Variants in ZNF354C observed in about 807,000 individuals in gnomAD.
ZNF354C encodes the protein zinc finger protein 354C, also known as KRAB-zinc finger protein synten.
In ZNF354C, 7 loss-of-function variants were observed where a neutral mutation model predicts 12.4. The observed-to-expected ratio is 0.56, with a 90% confidence interval of 0.32 to 1.06. The LOEUF (loss-of-function observed/expected upper bound fraction) is 1.06, where lower values mean the gene tolerates loss of function less well. Among genes scored for constraint, ZNF354C ranks in the 50% least tolerant of loss-of-function variants. The probability of loss-of-function intolerance (pLI) is 0.04; values close to 1 mark genes in which losing one functional copy is unlikely to be tolerated. For missense variants in ZNF354C, 609 were observed against 658.0 expected, an observed-to-expected ratio of 0.93 and a Z score of 0.81; for synonymous variants, 202 against 224.5, an observed-to-expected ratio of 0.90 and a Z score of 0.90.
intron 2 of ZNF354C, among the ~76,000 whole-genome samples, chr5:179,064,287 G>A (rs1019711609): frequency 1.3e-5 from 2 of 152,096 alleles, no homozygotes; most frequent in Admixed American, 1.3e-4. Flanking sequence ...TGTCGCCCAG[G>A]CTGGAGTACA....
rs1341966653 is a variant in ZNF354C at position 179,081,704 on chromosome 5, A to T, written c.*1607A>T. On this transcript the variant is annotated 3_prime_UTR_variant, in exon 5 of 5. Transcript: ENST00000315475. ...TAGTGGTGAGCATGCTTAGTACCCAAATTTTGGTTTCTAAATGCCATTCCC... is the reference window on the plus strand; with the variant it reads ...TAGTGGTGAGCATGCTTAGTACCCATATTTTGGTTTCTAAATGCCATTCCC... The T allele has an allele frequency of 1.3e-5, 2 of 152,128 alleles. No individual in the cohort carries two copies. The highest frequency in any genetic ancestry group is 1.3e-4 in the Admixed American group (2 of 15,272). The allele number at this position is 152,128 out of a possible 1,614,324, so 9.4% of individuals were successfully genotyped here. A position where few individuals can be genotyped will look rare whatever the true frequency, so the allele number is the denominator to read the frequency against.
chr5:179,077,281 C>CAGTT lies in ZNF354C; in HGVS notation c.250+116_250+119dup. 7.7e-6 allele frequency: 6 copies of CAGTT among 778,298 alleles called. No homozygotes were observed. In the South Asian group the frequency reaches 9.5e-5, roughly 12 times the overall value. The allele number at this position is 778,298 out of a possible 1,614,324, so 48.2% of individuals were successfully genotyped here. On this transcript the variant is annotated intron_variant, in intron 4 of 4. Transcript: ENST00000315475. ...CTGAGTCCTCTTGAGATGCTCAGGC[C>CAGTT]AGTTGTATTTTGTTTGAGTTGTATA...
rs1428744395 is a variant in ZNF354C, at chr5:179,061,927, C to T, written c.-54-88C>T. On this transcript the variant is annotated intron_variant, in intron 1 of 4. Coordinates refer to ENST00000315475, the MANE Select transcript of ZNF354C (RefSeq NM_014594.3). ...TTACGGGGGGTGGCTTTTTTGAGAC[C>T]TGATGGACATTATGGGCGGTTGTAA... 6 of 905,688 alleles carry T rather than the reference C, an allele frequency of 6.6e-6. No individual in the cohort carries two copies. In the African/African-American group the frequency reaches 9.9e-5, roughly 15 times the overall value. 56.1% of individuals were successfully genotyped at this position (905,688 alleles called of 1,614,324 possible). A position where few individuals can be genotyped will look rare whatever the true frequency, so the allele number is the denominator to read the frequency against.
Position 179,079,438 on chromosome 5 carries a change from G to A in ZNF354C, c.1006G>A (p.Ala336Thr). ...CTATAAATGCGGCGAATGTGAGAAG[G>A]CCTTCAACTGTAGAGCAAAACTTCA... The part of the protein sequence containing the change: ...KLYKCGECEK[A>T]FNCRAKLHRH... Residue 336 changes from alanine (A) to threonine (T), a missense_variant, in exon 5 of 5, where the codon GCC becomes ACC. By Grantham distance (58) the Ala-to-Thr change is moderately conservative. Coordinates refer to ENST00000315475, the MANE Select transcript of ZNF354C (RefSeq NM_014594.3). This position sits in a 1 kb window ranked among gnomAD's most constrained non-coding sequence, Gnocchi z 4.2. The A allele has an allele frequency of 6.2e-7, 1 of 1,613,938 alleles. No homozygotes were observed. The highest frequency in any genetic ancestry group is 8.5e-7 in the Non-Finnish European group (1 of 1,179,996).
intron 2 of ZNF354C, among the ~76,000 whole-genome samples, chr5:179,062,820 C>G (rs1357122631): frequency 6.6e-6 from 1 of 152,144 alleles, no homozygotes; most frequent in East Asian, 1.9e-4. Context: ...TTCTCTGATT[C>G]TTTTCTTTTT....
chr5:179,083,234 G>A lies in ZNF354C; in HGVS notation c.*3137G>A, dbSNP rs1561754088. On this transcript the variant is annotated 3_prime_UTR_variant, in exon 5 of 5. Coordinates refer to ENST00000315475, the MANE Select transcript of ZNF354C (RefSeq NM_014594.3). ...AAAACCTATAAGAGACATTTGGGGG[G>A]ATATTTGGGGAAATAGGAAGATGGA... is the stretch of plus-strand genomic sequence containing the variant. The A allele has an allele frequency of 7.6e-6, 2 of 261,984 alleles. No individual in the cohort carries two copies. The allele number at this position is 261,984 out of a possible 1,614,324, so 16.2% of individuals were successfully genotyped here.
rs775851154 is a variant in ZNF354C, at chr5:179,079,835, A to G, written c.1403A>G (p.Tyr468Cys). 2 of 1,614,146 alleles carry G rather than the reference A, an allele frequency of 1.2e-6. No individual in the cohort carries two copies. Among genetic ancestry groups the G allele is most frequent in the South Asian group, 2.2e-5 (2 of 91,072 alleles). The change falls in exon 5 of 5, where the codon TAT (tyrosine) becomes TGT (cysteine). Residue 468 changes from tyrosine (Y) to cysteine (C), a missense_variant. Coordinates refer to ENST00000315475, the MANE Select transcript of ZNF354C (RefSeq NM_014594.3). This position sits in a 1 kb window ranked among gnomAD's most constrained non-coding sequence, Gnocchi z 4.2. The part of the protein sequence containing the change: ...HQRIHTGEKP[Y>C]QCNQCGKAFS... ...AGAATTCATACTGGAGAGAAACCGTATCAGTGTAATCAGTGTGGAAAGGCC... is the reference window on the plus strand; with the variant it reads ...AGAATTCATACTGGAGAGAAACCGTGTCAGTGTAATCAGTGTGGAAAGGCC...
chr5:179,071,843 G>A (rs1762057113), intron 2 of ZNF354C, among the ~76,000 whole-genome samples: 1 of 152,130 alleles, frequency 6.6e-6, no homozygotes, highest in South Asian at 2.1e-4. Context: ...TACATGCACA[G>A]GACAGACTCA....
rs1253245646 is a variant in ZNF354C, at chr5:179,061,591, G to C, written c.-54-424G>C. On this transcript the variant is annotated intron_variant, in intron 1 of 4. Coordinates refer to ENST00000315475, the MANE Select transcript of ZNF354C (RefSeq NM_014594.3). ...GGGCGAGCAGTGGGGTCTGTCACCAGGGTAGGGATGCGGGGAAGCCTCTTT... is the reference window on the plus strand; with the variant it reads ...GGGCGAGCAGTGGGGTCTGTCACCACGGTAGGGATGCGGGGAAGCCTCTTT... 7.9e-5 allele frequency among the ~76,000 whole-genome samples: 12 copies of C among 152,262 alleles called. No individual in the cohort carries two copies. The East Asian group carries it at 2.1e-3, about 27-fold the overall frequency.
intron 2 of ZNF354C, among the ~76,000 whole-genome samples, chr5:179,062,630 G>A (rs1444358405): frequency 6.6e-6 from 1 of 152,152 alleles, no homozygotes; most frequent in African/African-American, 2.4e-5. Context: ...AGTTTATACT[G>A]GAGGCCAGGA....
At chr5:179,066,737 T>C (rs1325932256) in intron 2 of ZNF354C, among the ~76,000 whole-genome samples, 21 of 152,360 alleles carry the variant, frequency 1.4e-4, no homozygotes, top group Admixed American at 1.2e-3. Flanking sequence ...TTGTTCTCTA[T>C]AGGTAAGATC....
In ZNF354C at chr5:179,077,076, C is replaced by G; in HGVS notation, c.160C>G (p.Pro54Ala). 1 of 1,614,066 alleles carries G rather than the reference C, an allele frequency of 6.2e-7. No individual in the cohort carries two copies. The highest frequency in any genetic ancestry group is 8.5e-7 in the Non-Finnish European group (1 of 1,179,970). The change falls in exon 4 of 5, where the codon CCA becomes GCA. Residue 54 changes from proline (P) to alanine (A), a missense_variant. Transcript: ENST00000315475. ...ATTTGCTTCCTCATGAGCAGGGATT[C>G]CATTTTCAATGCCAAAGTTGATTCA... is the stretch of plus-strand genomic sequence containing the variant. ...NYSSLVSLGI[P>A]FSMPKLIHQL...
At position 179,062,092 on chromosome 5, in the gene ZNF354C, T is replaced by C; in HGVS notation, c.24T>C (p.Ala8=). Residue 8 remains alanine (A), a synonymous_variant, in exon 2 of 5, where the codon GCT becomes GCC. Coordinates refer to ENST00000315475, the MANE Select transcript of ZNF354C (RefSeq NM_014594.3). The part of the protein sequence containing the change: MAVDLLS[A]QEPVTFRDVA... The stretch of plus-strand genomic sequence containing the variant: ...GGATGGCTGTGGATCTGCTGTCTGC[T>C]CAGGTGAGAGTGAGTGAAGGTTGTC... 1 of 1,614,146 alleles carries C rather than the reference T, an allele frequency of 6.2e-7. No individual in the cohort carries two copies.
chr5:179,076,639 C>A, intron 3 of ZNF354C, 68 bp downstream of exon 3: 1 of 1,582,116 alleles, frequency 6.3e-7, no homozygotes, highest in East Asian at 2.2e-5. Context: ...TTTGGGGTTC[C>A]GAGCCTGTGG....
chr5:179,065,993 CCA>C (rs1158819766), intron 2 of ZNF354C, among the ~76,000 whole-genome samples: 1 of 152,138 alleles, frequency 6.6e-6, no homozygotes, highest in East Asian at 1.9e-4. Flanking sequence ...ACTGTGTAGC[CCA>C]CACTTACGGC....
At chr5:179,070,592 A>G (rs1326662608) in intron 2 of ZNF354C, among the ~76,000 whole-genome samples, 1 of 152,144 alleles carries the variant, frequency 6.6e-6, no homozygotes, top group Non-Finnish European at 1.5e-5. Flanking sequence ...CCCTGGAGCT[A>G]CCTGGTCTCT....
chr5:179,074,300 T>TTC (rs1554120188), intron 2 of ZNF354C, among the ~76,000 whole-genome samples: 3 of 150,998 alleles, frequency 2.0e-5, no homozygotes, highest in Admixed American at 1.3e-4. Context: ...ACTTTTTTTT[T>TTC]TTTTTTTAGT....
chr5:179,066,985 A>G (rs1394090359), intron 2 of ZNF354C, among the ~76,000 whole-genome samples: 4 of 152,160 alleles, frequency 2.6e-5, no homozygotes, highest in African/African-American at 9.7e-5. Flanking sequence ...TTACATTGTA[A>G]TTTTAAATGA....
chr5:179,076,066 G>T (rs139598201), intron 2 of ZNF354C, among the ~76,000 whole-genome samples: 1 of 152,150 alleles, frequency 6.6e-6, no homozygotes, highest in South Asian at 2.1e-4. Flanking sequence ...CCTTTTCACC[G>T]TCTAGTGGTT....
Sources: allele counts gnomAD v4.1 joint callset (sites outside exome capture counted in the v4.1 genomes callset), GRCh38; gene constraint gnomAD v4.1.1; non-coding constraint Gnocchi (gnomAD v3.1); transcripts MANE v1.5; gene names NCBI Gene and HGNC (gene_info 2026-07-23, HGNC 2026-07-21).